HRH2: variants seen among roughly 807,000 people sequenced by gnomAD.
The protein encoded by HRH2 is histamine receptor H2.
HRH2 carries 4 observed loss-of-function variants against 20.1 expected under a neutral mutation model. That is an observed-to-expected ratio of 0.20 (90% CI 0.10 to 0.45). The LOEUF (loss-of-function observed/expected upper bound fraction) is 0.45, where lower values mean the gene tolerates loss of function less well. Ranked by LOEUF, HRH2 falls within the 20% of genes least tolerant of loss-of-function variation. The pLI is 0.99. For missense variants in HRH2, 250 were observed against 461.6 expected (o/e 0.54, Z 4.20); for synonymous variants, 197 against 200.7 (o/e 0.98, Z 0.16).
chr5:175,665,902 T>C (rs1293572139), intron 1 of HRH2, among the ~76,000 whole-genome samples: 1 of 151,164 alleles, frequency 6.6e-6, no homozygotes, highest in Non-Finnish European at 1.5e-5. Flanking sequence ...AAGATATTTT[T>C]GGGAAAAAAA....
rs145624444 is a variant in HRH2, at chr5:175,663,184, G to A, written c.-526+5029G>A. Reference sequence around the variant, plus strand: ...TTCATTTCTCTTGAATATATGCCTCGGAGTAGAATGGCTGGATCACATGGT... The same window carrying A: ...TTCATTTCTCTTGAATATATGCCTCAGAGTAGAATGGCTGGATCACATGGT... On this transcript the variant is annotated intron_variant, in intron 1 of 2. Coordinates refer to ENST00000636584, the MANE Select transcript of HRH2 (RefSeq NM_001367711.1). Among the ~76,000 whole-genome samples, 768 of 152,214 alleles carry A rather than the reference G, an allele frequency of 5.0e-3. 10 individuals carry two copies. The highest frequency in any genetic ancestry group is 0.018 in the African/African-American group (732 of 41,524).
intron 1 of HRH2, among the ~76,000 whole-genome samples, chr5:175,667,766 C>G (rs1762951344): frequency 6.6e-6 from 1 of 152,100 alleles, no homozygotes; most frequent in Non-Finnish European, 1.5e-5. Context: ...AACCATTCTT[C>G]TAGTTTTGAA....
intron 1 of HRH2, 62 bp downstream of exon 1, chr5:175,658,217 G>A (rs1762623401): frequency 6.6e-6 from 1 of 151,866 alleles, no homozygotes; most frequent in Non-Finnish European, 1.5e-5. Context: ...GGCGGGCTTG[G>A]GGACCCGGCG....
intron 1 of HRH2, among the ~76,000 whole-genome samples, chr5:175,673,367 G>A (rs1051918481): frequency 1.3e-5 from 2 of 152,186 alleles, no homozygotes; most frequent in South Asian, 2.1e-4. Context: ...GCAACCAGGT[G>A]TTTGGAGGCT....
chr5:175,660,122 C>T (rs1163599319), intron 1 of HRH2, among the ~76,000 whole-genome samples: 2 of 152,166 alleles, frequency 1.3e-5, no homozygotes, highest in Non-Finnish European at 2.9e-5. Context: ...AGCTGTGGTC[C>T]ATCTCTGCCA....
intron 2 of HRH2, among the ~76,000 whole-genome samples, chr5:175,689,597 G>T (rs922845454): frequency 2.0e-5 from 3 of 152,218 alleles, no homozygotes; most frequent in Non-Finnish European, 4.4e-5. Context: ...CAGAAACCTC[G>T]TAAGAACTCA....
rs1216705678 is a variant in HRH2, at chr5:175,693,351, C to T, written c.1076+9042C>T. Among the ~76,000 whole-genome samples, 2 of 152,178 alleles carry T rather than the reference C, an allele frequency of 1.3e-5. No homozygotes were observed. The highest frequency in any genetic ancestry group is 2.1e-4 in the South Asian group (1 of 4,832). On this transcript the variant is annotated intron_variant, in intron 2 of 2. Transcript: ENST00000636584. This position sits in a 1 kb window ranked among gnomAD's most constrained non-coding sequence, Gnocchi z 4.4. ...CCCACCCTGCCTGGAGACAGGAAGT[C>T]GAGGTGGTCCCGACTGCCAAAAACT...
intron 2 of HRH2, among the ~76,000 whole-genome samples, chr5:175,697,336 G>T (rs1436642776): frequency 6.6e-6 from 1 of 151,580 alleles, no homozygotes; most frequent in Admixed American, 6.6e-5. Context: ...GGTGGTGGGC[G>T]CCTGTAATCC....
At chr5:175,688,169 C>A (rs55788235) in intron 2 of HRH2, among the ~76,000 whole-genome samples, 4,369 of 152,342 alleles carry the variant, frequency 0.029, 92 homozygotes, top group Non-Finnish European at 0.048. Flanking sequence ...TGCACGGAGG[C>A]CCGCCTGGGT....
chr5:175,661,078 T>C (rs1762725143), intron 1 of HRH2, among the ~76,000 whole-genome samples: 1 of 120,198 alleles, frequency 8.3e-6, no homozygotes, highest in Non-Finnish European at 1.6e-5. Flanking sequence ...TCCAGCTGGC[T>C]GAATTAACTA....
rs963168474 is a variant in HRH2 at position 175,677,961 on chromosome 5, C to T, written c.-525-4748C>T. On this transcript the variant is annotated intron_variant, in intron 1 of 2. Coordinates refer to ENST00000636584, the MANE Select transcript of HRH2 (RefSeq NM_001367711.1). This position sits in a 1 kb window ranked among gnomAD's most constrained non-coding sequence, Gnocchi z 4.2. ...CCATCTTTCTCCTCCAAACGTTCAC[C>T]GTGGCTGTTCTCTCTGGAATCAGCT... 1.1e-4 allele frequency among the ~76,000 whole-genome samples: 17 copies of T among 152,340 alleles called. No individual in the cohort carries two copies. The East Asian group carries it at 2.9e-3, about 26-fold the overall frequency.
Position 175,693,230 on chromosome 5 carries a change from T to G in HRH2, c.1076+8921T>G, listed in dbSNP as rs968659674. Among the ~76,000 whole-genome samples, 3 of 152,190 alleles carry G rather than the reference T, an allele frequency of 2.0e-5. No individual in the cohort carries two copies. Among genetic ancestry groups the G allele is most frequent in the Admixed American group, 6.5e-5 (1 of 15,286 alleles). Reference sequence around the variant, plus strand: ...CTTCATTACGCTCGCAGTGGCTGTTTGTGGCAGAGCATTCAGAGGGTGGAA... The same window carrying G: ...CTTCATTACGCTCGCAGTGGCTGTTGGTGGCAGAGCATTCAGAGGGTGGAA... On this transcript the variant is annotated intron_variant, in intron 2 of 2. Coordinates refer to ENST00000636584, the MANE Select transcript of HRH2 (RefSeq NM_001367711.1). The surrounding 1 kb of genome is among the most constrained non-coding windows in gnomAD (Gnocchi z 4.4).
At chr5:175,664,031 TG>T (rs762106727) in intron 1 of HRH2, among the ~76,000 whole-genome samples, 1 of 152,330 alleles carries the variant, frequency 6.6e-6, no homozygotes. Flanking sequence ...GAAGTGTGGC[TG>T]GAGCCAAGTT....
intron 1 of HRH2, among the ~76,000 whole-genome samples, chr5:175,680,339 C>T (rs149472632): frequency 8.5e-4 from 129 of 152,286 alleles, no homozygotes; most frequent in African/African-American, 3.0e-3. Context: ...ATGCTGTGTG[C>T]GGGCAGTGCC....
intron 1 of HRH2, among the ~76,000 whole-genome samples, chr5:175,662,959 A>G (rs1050363339): frequency 6.6e-6 from 1 of 152,212 alleles, no homozygotes; most frequent in African/African-American, 2.4e-5. Context: ...TACACCTAGC[A>G]TGTTTTTAAG....
chr5:175,673,680 T>C lies in HRH2; in HGVS notation c.-525-9029T>C, dbSNP rs559469156. Among the ~76,000 whole-genome samples the C allele has an allele frequency of 1.1e-4, 16 of 151,650 alleles. 1 individual carries two copies. The South Asian group carries it at 3.3e-3, about 32-fold the overall frequency. On this transcript the variant is annotated intron_variant, in intron 1 of 2. Transcript: ENST00000636584. ...CTGTAACACGGTGCATTGTATGTTA[T>C]GTGAATTTCACCTCAGTTTTTTTTT...
Position 175,663,176 on chromosome 5 carries a change from T to C in HRH2, c.-526+5021T>C, listed in dbSNP as rs969443419. 3.9e-5 allele frequency among the ~76,000 whole-genome samples: 6 copies of C among 152,202 alleles called. 1 individual carries two copies. The highest frequency in any genetic ancestry group is 7.3e-5 in the Non-Finnish European group (5 of 68,040). ...CATATATTTTCATTTCTCTTGAATA[T>C]ATGCCTCGGAGTAGAATGGCTGGAT... On this transcript the variant is annotated intron_variant, in intron 1 of 2. Transcript: ENST00000636584.
At chr5:175,695,212 C>T (rs1230353993) in intron 2 of HRH2, among the ~76,000 whole-genome samples, 1 of 152,060 alleles carries the variant, frequency 6.6e-6, no homozygotes, top group Non-Finnish European at 1.5e-5. Context: ...TGACCATCGC[C>T]GCCCTGGTAA....
chr5:175,661,953 C>T (rs758325219), intron 1 of HRH2, among the ~76,000 whole-genome samples: 19 of 152,062 alleles, frequency 1.2e-4, no homozygotes, highest in Admixed American at 3.9e-4. Flanking sequence ...ACTCAGGAGG[C>T]GGAGGTTGCA....
Sources: allele counts gnomAD v4.1 joint callset (sites outside exome capture counted in the v4.1 genomes callset), GRCh38; gene constraint gnomAD v4.1.1; non-coding constraint Gnocchi (gnomAD v3.1); transcripts MANE v1.5; gene names NCBI Gene and HGNC (gene_info 2026-07-23, HGNC 2026-07-21).